Variants in TRAPPC2 observed in about 807,000 individuals in gnomAD.
TRAPPC2 encodes sedlin.
TRAPPC2 carries 4 observed loss-of-function variants against 10.0 expected under a neutral mutation model. That is an observed-to-expected ratio of 0.40 (90% CI 0.20 to 0.92). The LOEUF is 0.92. TRAPPC2 is among the 40% of genes least tolerant of loss of function. The pLI, the probability that TRAPPC2 is intolerant of heterozygous loss-of-function variation, is 0.35. For synonymous variants in TRAPPC2, 36 were observed against 37.3 expected (o/e 0.97, Z 0.12); for missense variants, 52 against 108.7 (o/e 0.48, Z 2.32).
intron 2 of TRAPPC2, among the ~76,000 whole-genome samples, chrX:13,725,174 A>G (rs777990326): frequency 1.1e-4 from 12 of 113,286 alleles, no homozygotes; most frequent in African/African-American, 3.8e-4. Flanking sequence ...GGCAGGGCTT[A>G]GCTGAACAAA....
At chrX:13,725,578 T>C (rs180826886) in intron 2 of TRAPPC2, among the ~76,000 whole-genome samples, 70 of 111,990 alleles carry the variant, frequency 6.3e-4, no homozygotes, top group African/African-American at 2.1e-3. Context: ...AAAAACAACA[T>C]CTACACCAAA....
At chrX:13,716,168 T>C in intron 4 of TRAPPC2, 79 bp from the exon 5 acceptor site, 2 of 1,010,311 alleles carry the variant, frequency 2.0e-6, no homozygotes, top group Admixed American at 3.2e-5. Flanking sequence ...ATTCTTCAAA[T>C]TAGTCACATG....
In TRAPPC2 at chrX:13,723,948, G is replaced by A. The variant is rs752494140; in HGVS notation, c.-19-3966C>T. Among the ~76,000 whole-genome samples the A allele has an allele frequency of 2.7e-5, 3 of 111,844 alleles. No individual in the cohort carries two copies. In the South Asian group the frequency reaches 1.1e-3, roughly 42 times the overall value. On this transcript the variant is annotated intron_variant, in intron 2 of 5. Transcript: ENST00000380579. ...ATCATCCAGGTGGACCCAATGTCAT[G>A]ACAAGGGCCTTAAAAGTAGAATAGG...
intron 1 of TRAPPC2, 62 bp downstream of exon 1, chrX:13,734,463 G>T (rs2046765363): frequency 4.4e-6 from 1 of 225,786 alleles, no homozygotes; most frequent in East Asian, 7.8e-5. Context: ...TCACGCAGGG[G>T]CTACGAAGTC....
chrX:13,720,553 CTTCT>C (rs1409771550), intron 2 of TRAPPC2: 4 of 112,546 alleles, frequency 3.6e-5, no homozygotes, highest in African/African-American at 1.3e-4. Flanking sequence ...CTGTATTTGT[CTTCT>C]TTCTACTTGA....
chrX:13,722,208 C>CAGAAAAAAAAAAAAAAAAAAAA (rs1555898001), intron 2 of TRAPPC2: 1 of 36,116 alleles, frequency 2.8e-5, no homozygotes, highest in Non-Finnish European at 5.1e-5. Flanking sequence ...TAAGCAGCAG[C>CAGAAAAAAAAAAAAAAAAAAAA]AAAAAAAAAA....
At chrX:13,722,899 T>TAAAAATACAAAA (rs1304157496) in intron 2 of TRAPPC2, among the ~76,000 whole-genome samples, 2 of 110,401 alleles carry the variant, frequency 1.8e-5, no homozygotes, top group African/African-American at 6.6e-5. Context: ...CCATCTCTAC[T>TAAAAATACAAAA]AAAAATACAA....
intron 2 of TRAPPC2, among the ~76,000 whole-genome samples, chrX:13,731,728 C>T (rs1477736783): frequency 8.9e-6 from 1 of 112,026 alleles, no homozygotes; most frequent in Non-Finnish European, 1.9e-5. Flanking sequence ...ACTCGGAGAA[C>T]ATTGGGTGCT....
Position 13,714,403 on chromosome X carries a change from G to T in TRAPPC2, c.*4C>A, listed in dbSNP as rs1419745276. 10 of 1,134,558 alleles carry T rather than the reference G, an allele frequency of 8.8e-6. No homozygotes were observed. Among genetic ancestry groups the T allele is most frequent in the Non-Finnish European group, 1.2e-5 (10 of 843,088 alleles). The allele number at this position is 1,134,558 out of a possible 1,213,427, so 93.5% of individuals were successfully genotyped here. A position where few individuals can be genotyped will look rare whatever the true frequency, so the allele number is the denominator to read the frequency against. ...GACATCATTTATTTTGGAATTTTCT[G>T]CATTCAGCTTAAAAGGTGTTTCTTC... On this transcript the variant is annotated 3_prime_UTR_variant, in exon 6 of 6. Transcript: ENST00000380579.
At chrX:13,728,304 G>A (rs1036653689) in intron 2 of TRAPPC2, among the ~76,000 whole-genome samples, 3 of 111,611 alleles carry the variant, frequency 2.7e-5, no homozygotes, top group Non-Finnish European at 5.6e-5. Flanking sequence ...TAAAAAAAGA[G>A]AATTTTAGAC....
intron 3 of TRAPPC2, among the ~76,000 whole-genome samples, chrX:13,718,893 T>TGTA (rs2046351339): frequency 9.0e-6 from 1 of 111,575 alleles, no homozygotes; most frequent in Non-Finnish European, 1.9e-5. Context: ...TAGTGGCTCA[T>TGTA]GTCTGCAATC....
At chrX:13,730,916 A>AG (rs2046661964) in intron 2 of TRAPPC2, among the ~76,000 whole-genome samples, 1 of 13,327 alleles carries the variant, frequency 7.5e-5, no homozygotes, top group African/African-American at 3.3e-4. Flanking sequence ...GGGGCCTGTC[A>AG]GGGGGTGGGG....
In TRAPPC2 at chrX:13,716,086, A is replaced by G; in HGVS notation, c.242T>C (p.Met81Thr). The G allele has an allele frequency of 8.4e-7, 1 of 1,186,931 alleles. No homozygotes were observed. Among genetic ancestry groups the G allele is most frequent in the Non-Finnish European group, 1.1e-6 (1 of 880,091 alleles). ...FVSAFVTAGH[M>T]RFIMLHDIRQ... ...TATGTCATGAAGCATAATAAACCTCATATGTGAAATAATTAAGGCATAATC... is the reference window on the plus strand; with the variant it reads ...TATGTCATGAAGCATAATAAACCTCGTATGTGAAATAATTAAGGCATAATC... Residue 81 changes from methionine (M) to threonine (T), a missense_variant, in exon 5 of 6, where the codon ATG becomes ACG. Transcript: ENST00000380579.
intron 2 of TRAPPC2, among the ~76,000 whole-genome samples, chrX:13,726,278 G>A (rs989334524): frequency 7.2e-5 from 8 of 111,286 alleles, no homozygotes; most frequent in African/African-American, 9.8e-5. Flanking sequence ...GATACTCCTC[G>A]AGAAGAGGAA....
At chrX:13,719,452 G>A (rs2046363375) in intron 3 of TRAPPC2, among the ~76,000 whole-genome samples, 1 of 111,632 alleles carries the variant, frequency 9.0e-6, no homozygotes, top group Non-Finnish European at 1.9e-5. Flanking sequence ...CCCCTGAAGT[G>A]AGGTGCTGCA....
chrX:13,721,368 T>C (rs1234910766), intron 2 of TRAPPC2: 1 of 112,417 alleles, frequency 8.9e-6, no homozygotes, highest in Admixed American at 9.4e-5. Context: ...ATCTAATGCA[T>C]GTAAAGTACC....
intron 2 of TRAPPC2, among the ~76,000 whole-genome samples, chrX:13,727,608 A>G (rs1299113908): frequency 8.9e-6 from 1 of 112,433 alleles, no homozygotes; most frequent in Non-Finnish European, 1.9e-5. Flanking sequence ...CAGTGTGTAG[A>G]GGGAAATTTA....
intron 2 of TRAPPC2, chrX:13,722,388 G>A (rs946358383): frequency 4.5e-5 from 5 of 110,646 alleles, no homozygotes; most frequent in African/African-American, 1.3e-4. Context: ...AAGACCGACT[G>A]CATGAGGATG....
chrX:13,725,952 C>T (rs1230602252), intron 2 of TRAPPC2, among the ~76,000 whole-genome samples: 2 of 111,853 alleles, frequency 1.8e-5, no homozygotes, highest in Admixed American at 1.9e-4. Context: ...ACAAGAACTT[C>T]ATGATGCATA....
Sources: gnomAD v4.1 joint callset for allele counts (sites outside exome capture counted in the v4.1 genomes callset) on GRCh38, gnomAD v4.1.1 for gene constraint, MANE v1.5 for transcripts, NCBI Gene and HGNC (gene_info 2026-07-23, HGNC 2026-07-21) for gene names.